P3H2: variants seen among roughly 807,000 people sequenced by gnomAD.
P3H2 encodes the protein leprecan-like 1.
P3H2 carries 80 observed loss-of-function variants against 87.0 expected under a neutral mutation model. The ratio of observed to expected loss-of-function variants is 0.92; its 90% CI spans 0.77 to 1.11. The LOEUF (loss-of-function observed/expected upper bound fraction) is 1.11. P3H2 is among the 50% of genes least tolerant of loss of function. The pLI, the probability that P3H2 is intolerant of heterozygous loss-of-function variation, is 0.00. For missense variants in P3H2, 1,001 were observed against 923.9 expected (o/e 1.08, Z -1.08); for synonymous variants, 367 against 359.3 (o/e 1.02, Z -0.24).
chr3:190,056,941 T>C (rs534724434), intron 1 of P3H2, among the ~76,000 whole-genome samples: 47 of 152,256 alleles, frequency 3.1e-4, no homozygotes, highest in African/African-American at 9.4e-4. Flanking sequence ...CCCTTCACCA[T>C]AGACTAGAAA....
At chr3:190,066,544 G>A (rs1577305855) in intron 1 of P3H2, among the ~76,000 whole-genome samples, 1 of 152,034 alleles carries the variant, frequency 6.6e-6, no homozygotes, top group Non-Finnish European at 1.5e-5. Context: ...AGTGTATACT[G>A]CTCAGGTGAT....
At chr3:190,036,264 CT>C (rs1356952957) in intron 1 of P3H2, among the ~76,000 whole-genome samples, 1 of 152,096 alleles carries the variant, frequency 6.6e-6, no homozygotes, top group African/African-American at 2.4e-5. Context: ...GAATTTTGCT[CT>C]TACCTAATGA....
chr3:190,045,578 C>T (rs183217846), intron 1 of P3H2, among the ~76,000 whole-genome samples: 1 of 152,088 alleles, frequency 6.6e-6, no homozygotes, highest in Admixed American at 6.6e-5. Flanking sequence ...GATGTGTCAA[C>T]TTAACTAGAC....
intron 1 of P3H2, among the ~76,000 whole-genome samples, chr3:190,007,427 T>G: frequency 6.6e-6 from 1 of 152,166 alleles, no homozygotes; most frequent in Non-Finnish European, 1.5e-5. Flanking sequence ...CATTTCACTT[T>G]GAGCTAGTTT....
Position 190,007,965 on chromosome 3 carries a change from C to CACACACACACATATATATATAT in P3H2, c.481-12524_481-12523insATATATATATATGTGTGTGTGT. Among the ~76,000 whole-genome samples the CACACACACACATATATATATAT allele has an allele frequency of 9.3e-3, 878 of 94,294 alleles. 21 individuals are homozygous for CACACACACACATATATATATAT. The highest frequency in any genetic ancestry group is 0.029 in the African/African-American group (732 of 25,568). 61.9% of individuals were successfully genotyped at this position (94,294 alleles called of 152,430 possible). On this transcript the variant is annotated intron_variant, in intron 1 of 14. Transcript: ENST00000319332. ...GCCTGAGACTCTATTTGTTGACACA[C>CACACACACACATATATATATAT]ATATATATATATATATATATAGTAA...
chr3:190,094,977 T>A (rs971443870), intron 1 of P3H2, among the ~76,000 whole-genome samples: 4 of 152,094 alleles, frequency 2.6e-5, no homozygotes, highest in Admixed American at 6.5e-5. Flanking sequence ...ATAATCAATA[T>A]CACAAGTTTG....
In P3H2 at chr3:190,120,897, C is replaced by T; in HGVS notation, c.-166G>A. ...CGCCGGCGCTCCGCGTACTGAGAGG[C>T]GGAGGCCGTGCCTGGCCAGCCGCTC... is the stretch of plus-strand genomic sequence containing the variant. On this transcript the variant is annotated 5_prime_UTR_variant, in exon 1 of 15. Transcript: ENST00000319332. 2 of 1,147,290 alleles carry T rather than the reference C, an allele frequency of 1.7e-6. No homozygotes were observed. The highest frequency in any genetic ancestry group is 2.3e-6 in the Non-Finnish European group (2 of 858,482). 71.1% of individuals were successfully genotyped at this position (1,147,290 alleles called of 1,614,324 possible).
rs1030215647 is a variant in P3H2 at position 189,973,759 on chromosome 3, C to T, written c.1548+150G>A. On this transcript the variant is annotated intron_variant, in intron 10 of 14. Coordinates refer to ENST00000319332, the MANE Select transcript of P3H2 (RefSeq NM_018192.4). ...CAGGGTGGTCTCGATCTCCTGACCT[C>T]GTGATCTGCCTGCCTCAGCCTCCCA... 4.1e-5 allele frequency: 30 copies of T among 728,044 alleles called. 1 individual carries two copies. Among genetic ancestry groups the T allele is most frequent in the South Asian group, 2.1e-4 (15 of 71,334 alleles). The allele number at this position is 728,044 out of a possible 1,614,324, so 45.1% of individuals were successfully genotyped here.
intron 1 of P3H2, among the ~76,000 whole-genome samples, chr3:190,088,622 A>T (rs1457874586): frequency 6.6e-6 from 1 of 152,212 alleles, no homozygotes; most frequent in East Asian, 1.9e-4. Flanking sequence ...ACATTAACAG[A>T]GACCAGATCA....
At chr3:190,073,327 A>G (rs1726766620) in intron 1 of P3H2, among the ~76,000 whole-genome samples, 1 of 152,138 alleles carries the variant, frequency 6.6e-6, no homozygotes, top group African/African-American at 2.4e-5. Context: ...CTCTCATCCC[A>G]TTTCTTCAGT....
At chr3:190,011,289 T>C (rs866722418) in intron 1 of P3H2, among the ~76,000 whole-genome samples, 4 of 141,518 alleles carry the variant, frequency 2.8e-5, no homozygotes, top group African/African-American at 1.0e-4. Flanking sequence ...AAAAAAAAAA[T>C]AGAGTTTCAT....
At chr3:189,997,085 G>A (rs942339383) in intron 1 of P3H2, among the ~76,000 whole-genome samples, 1 of 152,160 alleles carries the variant, frequency 6.6e-6, no homozygotes, top group African/African-American at 2.4e-5. Context: ...GCAATGGCGC[G>A]ATCTTGGCTC....
intron 1 of P3H2, among the ~76,000 whole-genome samples, chr3:190,073,485 T>G (rs755784064): frequency 3.3e-5 from 5 of 152,130 alleles, no homozygotes; most frequent in Non-Finnish European, 4.4e-5. Flanking sequence ...CAGGCATGCT[T>G]GAGCATAGAT....
At chr3:190,121,084 T>C, upstream of P3H2, 1 of 308,154 alleles carries the variant, frequency 3.2e-6, no homozygotes, top group Non-Finnish European at 6.0e-6. Flanking sequence ...ACGAGGCGCT[T>C]TACACGTGAG....
intron 4 of P3H2, 42 bp downstream of exon 4, chr3:189,988,865 C>T: frequency 6.2e-7 from 1 of 1,612,812 alleles, no homozygotes; most frequent in Middle Eastern, 1.7e-4. Context: ...AATGATGAAC[C>T]ACAACCCCCC....
At chr3:190,061,897 G>A (rs907356669) in intron 1 of P3H2, among the ~76,000 whole-genome samples, 1 of 152,070 alleles carries the variant, frequency 6.6e-6, no homozygotes, top group African/African-American at 2.4e-5. Flanking sequence ...TCTTTTCTTG[G>A]TAGAACACAA....
At chr3:190,097,979 T>C (rs533793943) in intron 1 of P3H2, among the ~76,000 whole-genome samples, 117 of 152,298 alleles carry the variant, frequency 7.7e-4, no homozygotes, top group African/African-American at 2.7e-3. Flanking sequence ...CATTAAGCCT[T>C]ATGGCTAGTA....
intron 1 of P3H2, among the ~76,000 whole-genome samples, chr3:190,067,141 A>C (rs1726538477): frequency 6.6e-6 from 1 of 151,264 alleles, no homozygotes; most frequent in South Asian, 2.1e-4. Flanking sequence ...CACCACACCC[A>C]GCCTTATTCT....
chr3:189,995,235 G>A lies in P3H2; in HGVS notation c.633+55C>T, dbSNP rs558309174. The A allele has an allele frequency of 1.0e-3, 1,574 of 1,567,054 alleles. 13 individuals are homozygous for A. Among genetic ancestry groups the A allele is most frequent in the South Asian group, 5.9e-3 (527 of 88,850 alleles). On this transcript the variant is annotated intron_variant, in intron 2 of 14. Transcript: ENST00000319332. ...CATAGAAATTTGCTGTGACTCAGAT[G>A]AAACTTAGGAGCACTTAGCTCCCTG...
Sources: gnomAD v4.1 joint callset for allele counts (sites outside exome capture counted in the v4.1 genomes callset) on GRCh38, gnomAD v4.1.1 for gene constraint, MANE v1.5 for transcripts, NCBI Gene and HGNC (gene_info 2026-07-23, HGNC 2026-07-21) for gene names.